The following ZBTB2 variants were observed in gnomAD, a reference collection of about 807,000 sequenced individuals.
The protein encoded by ZBTB2 is zinc finger and BTB domain-containing protein 2.
ZBTB2 carries 2 observed loss-of-function variants against 39.5 expected under a neutral mutation model. That is an observed-to-expected ratio of 0.05 (90% CI 0.02 to 0.16). ZBTB2 has a LOEUF of 0.16. Ranked by LOEUF, ZBTB2 falls within the 10% of genes least tolerant of loss-of-function variation. The probability of loss-of-function intolerance (pLI) is 1.00; values close to 1 mark genes in which losing one functional copy is unlikely to be tolerated. For synonymous variants in ZBTB2, 251 were observed against 256.6 expected, an observed-to-expected ratio of 0.98 and a Z score of 0.21; for missense variants, 391 against 653.0, an observed-to-expected ratio of 0.60 and a Z score of 4.37.
intron 2 of ZBTB2, among the ~76,000 whole-genome samples, chr6:151,373,154 CAAAAAAAAAAAAAAAAAAAA>C (rs58019601): frequency 0.01 from 287 of 27,854 alleles, 5 homozygotes; most frequent in African/African-American, 0.032. Flanking sequence ...GACTCCGTCT[CAAAAAAAAAAAAAAAAAAAA>C]AAAAAAAAAA....
chr6:151,367,323 G>A (rs1187693692), intron 2 of ZBTB2, among the ~76,000 whole-genome samples: 1 of 152,182 alleles, frequency 6.6e-6, no homozygotes, highest in Admixed American at 6.5e-5. Flanking sequence ...GATTCACCAT[G>A]TTGGCCAGGG....
At chr6:151,385,734 A>G (rs1779136052) in intron 1 of ZBTB2, among the ~76,000 whole-genome samples, 1 of 152,222 alleles carries the variant, frequency 6.6e-6, no homozygotes, top group African/African-American at 2.4e-5. Context: ...GATTCTTTCA[A>G]GTAGTTTAGA....
At chr6:151,370,638 C>A (rs1055954069) in intron 2 of ZBTB2, among the ~76,000 whole-genome samples, 5 of 152,184 alleles carry the variant, frequency 3.3e-5, no homozygotes, top group African/African-American at 9.7e-5. Flanking sequence ...AGACATAAGA[C>A]AGGGACATCT....
chr6:151,375,674 A>C lies in ZBTB2; in HGVS notation c.-12-2025T>G, dbSNP rs192080371. On this transcript the variant is annotated intron_variant, in intron 1 of 2. Transcript: ENST00000325144. Reference sequence around the variant, plus strand: ...TGGGTTCAAGCAATTCTCCTGCCTCAGCCTCCCTGGGGTAGCTGGGATTAC... The same window carrying C: ...TGGGTTCAAGCAATTCTCCTGCCTCCGCCTCCCTGGGGTAGCTGGGATTAC... Among the ~76,000 whole-genome samples the C allele has an allele frequency of 4.7e-4, 71 of 152,298 alleles. 1 individual carries two copies. Among genetic ancestry groups the C allele is most frequent in the Admixed American group, 3.3e-3 (51 of 15,298 alleles).
At position 151,364,592 on chromosome 6, in the gene ZBTB2, G is replaced by C. The variant is rs555384520; in HGVS notation, c.*929C>G. 1 of 152,296 alleles carries C rather than the reference G, an allele frequency of 6.6e-6. No individual in the cohort carries two copies. Among genetic ancestry groups the C allele is most frequent in the South Asian group, 2.1e-4 (1 of 4,830 alleles). 9.4% of individuals were successfully genotyped at this position (152,296 alleles called of 1,614,324 possible). ...GGTCACAAATTCCCCTGTAAGATGAGTATTCCTATATCCTTTTCCCTGCAG... is the reference window on the plus strand; with the variant it reads ...GGTCACAAATTCCCCTGTAAGATGACTATTCCTATATCCTTTTCCCTGCAG... On this transcript the variant is annotated 3_prime_UTR_variant, in exon 3 of 3. Coordinates refer to ENST00000325144, the MANE Select transcript of ZBTB2 (RefSeq NM_020861.3).
At chr6:151,385,983 CTT>C (rs1168820057) in intron 1 of ZBTB2, among the ~76,000 whole-genome samples, 3 of 152,076 alleles carry the variant, frequency 2.0e-5, no homozygotes, top group African/African-American at 7.2e-5. Flanking sequence ...ATAAACAGCA[CTT>C]ATTTTCATAT....
At chr6:151,383,529 T>C (rs1256434884) in intron 1 of ZBTB2, among the ~76,000 whole-genome samples, 2 of 152,196 alleles carry the variant, frequency 1.3e-5, no homozygotes, top group Non-Finnish European at 2.9e-5. Flanking sequence ...AGCCAAGGAA[T>C]GGCAGTTTCG....
rs545313327 is a variant in ZBTB2 at position 151,389,061 on chromosome 6, T to C, written c.-13+2359A>G. Among the ~76,000 whole-genome samples the C allele has an allele frequency of 1.4e-4, 21 of 152,296 alleles. No individual in the cohort carries two copies. The East Asian group carries it at 3.3e-3, about 24-fold the overall frequency. ...CTTTGTCTAGCAAACAAACCACAAG[T>C]TTATTAAATGAGAAATGCCCAGTTT... On this transcript the variant is annotated intron_variant, in intron 1 of 2. Transcript: ENST00000325144.
chr6:151,378,379 A>G (rs1014134735), intron 1 of ZBTB2, among the ~76,000 whole-genome samples: 3 of 152,178 alleles, frequency 2.0e-5, no homozygotes, highest in Non-Finnish European at 2.9e-5. Context: ...ATGCAAACAG[A>G]TGGTATGGAT....
intron 1 of ZBTB2, among the ~76,000 whole-genome samples, chr6:151,374,650 CCT>C (rs1778861259): frequency 6.6e-6 from 1 of 151,742 alleles, no homozygotes; most frequent in Admixed American, 6.6e-5. Context: ...AAAGATGTCC[CCT>C]CTCGATATTC....
intron 1 of ZBTB2, among the ~76,000 whole-genome samples, chr6:151,387,590 T>C (rs1027792109): frequency 6.6e-6 from 1 of 152,214 alleles, no homozygotes; most frequent in Admixed American, 6.5e-5. Flanking sequence ...ACGCTTACCC[T>C]GCTTGGTGCA....
chr6:151,374,051 T>C (rs1778848651), intron 1 of ZBTB2, among the ~76,000 whole-genome samples: 1 of 152,064 alleles, frequency 6.6e-6, no homozygotes, highest in Admixed American at 6.5e-5. Flanking sequence ...AAATTCCAAA[T>C]GCAAATGGAG....
At position 151,364,897 on chromosome 6, in the gene ZBTB2, T is replaced by C. The variant is rs1431200357; in HGVS notation, c.*624A>G. ...CACACAAACTCACAGCTTGTCATGT[T>C]GTACCCAAAAATTAAGATTGCCATC... On this transcript the variant is annotated 3_prime_UTR_variant, in exon 3 of 3. Coordinates refer to ENST00000325144, the MANE Select transcript of ZBTB2 (RefSeq NM_020861.3). 6 of 152,752 alleles carry C rather than the reference T, an allele frequency of 3.9e-5. No individual in the cohort carries two copies. The East Asian group carries it at 7.7e-4, about 20-fold the overall frequency. 9.5% of individuals were successfully genotyped at this position (152,752 alleles called of 1,614,324 possible).
chr6:151,381,887 G>A (rs1371776404), intron 1 of ZBTB2, among the ~76,000 whole-genome samples: 1 of 152,218 alleles, frequency 6.6e-6, no homozygotes, highest in African/African-American at 2.4e-5. Flanking sequence ...AAGGGCAGGT[G>A]GCACTATATT....
chr6:151,391,056 G>T (rs1318471722), intron 1 of ZBTB2, among the ~76,000 whole-genome samples: 1 of 120,518 alleles, frequency 8.3e-6, no homozygotes, highest in African/African-American at 3.1e-5. Context: ...CGCCCTCTCG[G>T]CTTCCGTCCC....
chr6:151,391,303 C>T (rs1269090383), intron 1 of ZBTB2, 117 bp downstream of exon 1: 1 of 152,048 alleles, frequency 6.6e-6, no homozygotes, highest in Non-Finnish European at 1.5e-5. Flanking sequence ...GCCACCGCCT[C>T]TGCCGGAACC....
At chr6:151,390,003 C>G (rs943179003) in intron 1 of ZBTB2, among the ~76,000 whole-genome samples, 2 of 152,030 alleles carry the variant, frequency 1.3e-5, no homozygotes, top group Non-Finnish European at 2.9e-5. Context: ...AGCAGCCTCC[C>G]CGCCTTGGAG....
intron 1 of ZBTB2, among the ~76,000 whole-genome samples, chr6:151,385,309 C>A (rs1292059648): frequency 1.3e-5 from 2 of 152,180 alleles, no homozygotes; most frequent in Non-Finnish European, 2.9e-5. Context: ...TTATTTAATG[C>A]TTTGGTTTTC....
At chr6:151,381,804 A>T (rs140519436) in intron 1 of ZBTB2, among the ~76,000 whole-genome samples, 2 of 152,354 alleles carry the variant, frequency 1.3e-5, no homozygotes, top group East Asian at 3.9e-4. Flanking sequence ...GACACAAAAC[A>T]TTCACAAACC....
Sources: allele counts gnomAD v4.1 joint callset (sites outside exome capture counted in the v4.1 genomes callset), GRCh38; gene constraint gnomAD v4.1.1; transcripts MANE v1.5; gene names NCBI Gene and HGNC (gene_info 2026-07-23, HGNC 2026-07-21).